XIRP2: variants seen among roughly 807,000 people sequenced by gnomAD.
XIRP2 encodes the protein xin actin-binding repeat-containing protein 2.
XIRP2 carries 236 observed loss-of-function variants against 277.0 expected under a neutral mutation model. The ratio of observed to expected loss-of-function variants is 0.85; its 90% CI spans 0.77 to 0.95. The LOEUF is 0.95. XIRP2 is among the 40% of genes least tolerant of loss of function. The pLI is 0.00. For synonymous variants in XIRP2, 1,490 were observed against 1,416.5 expected, an observed-to-expected ratio of 1.05 and a Z score of -1.17; for missense variants, 4,640 against 4,157.5, an observed-to-expected ratio of 1.12 and a Z score of -3.19.
chr2:167,231,372 C>T (rs987429542), intron 5 of XIRP2, among the ~76,000 whole-genome samples: 3 of 152,066 alleles, frequency 2.0e-5, no homozygotes, highest in African/African-American at 7.2e-5. Context: ...CTTGTAACGT[C>T]TCATGGAACA....
intron 2 of XIRP2, among the ~76,000 whole-genome samples, chr2:166,950,795 C>G (rs1401125474): frequency 5.3e-5 from 8 of 151,916 alleles, no homozygotes; most frequent in Admixed American, 4.6e-4. Flanking sequence ...GAAGCCAGTC[C>G]AATCATTTTC....
intron 2 of XIRP2, among the ~76,000 whole-genome samples, chr2:166,970,972 G>T (rs1435589317): frequency 6.6e-6 from 1 of 151,798 alleles, no homozygotes; most frequent in Non-Finnish European, 1.5e-5. Context: ...TTGATTTTTA[G>T]AAGGAAGATC....
chr2:167,254,333 T>A (rs1356566227), intron 10 of XIRP2, among the ~76,000 whole-genome samples, 168 bp downstream of exon 10: 1 of 151,954 alleles, frequency 6.6e-6, no homozygotes, highest in African/African-American at 2.4e-5. Context: ...TGCGACCTTT[T>A]TCCTTTAGGA....
intron 5 of XIRP2, among the ~76,000 whole-genome samples, chr2:167,233,624 G>A (rs765096237): frequency 5.3e-5 from 8 of 151,746 alleles, no homozygotes; most frequent in Non-Finnish European, 1.0e-4. Flanking sequence ...TAATCAAGAG[G>A]TAGAGTTCTG....
rs369831621 is a variant in XIRP2, at chr2:167,248,833, G to C, written c.7441G>C (p.Val2481Leu). The C allele has an allele frequency of 7.4e-6, 12 of 1,613,028 alleles. No individual in the cohort carries two copies. Among genetic ancestry groups the C allele is most frequent in the Non-Finnish European group, 8.5e-6 (10 of 1,179,302 alleles). The change falls in exon 9 of 11, where the codon GTT becomes CTT. Residue 2481 changes from valine (V) to leucine (L), a missense_variant. Transcript: ENST00000409195. ...TGAACACACGGAGACAAAGCAGAACGTTATTAGTAAGAGTCTTGATGAAAG... is the reference window on the plus strand; with the variant it reads ...TGAACACACGGAGACAAAGCAGAACCTTATTAGTAAGAGTCTTGATGAAAG... Reference protein sequence around the residue: ...SSEHTETKQNVISKSLDERKQ... With the variant: ...SSEHTETKQNLISKSLDERKQ...
chr2:167,015,841 T>A (rs933906363), intron 2 of XIRP2, among the ~76,000 whole-genome samples: 3 of 151,686 alleles, frequency 2.0e-5, no homozygotes, highest in Non-Finnish European at 2.9e-5. Flanking sequence ...TCTCTGTATG[T>A]CCTCCCTAGG....
intron 2 of XIRP2, chr2:167,124,052 T>C (rs747588980): frequency 1.3e-5 from 2 of 152,148 alleles, no homozygotes; most frequent in Non-Finnish European, 2.9e-5. Flanking sequence ...AAATCATAAA[T>C]AATTTGATGC....
At chr2:167,116,095 G>C (rs951885979) in intron 2 of XIRP2, among the ~76,000 whole-genome samples, 1 of 152,144 alleles carries the variant, frequency 6.6e-6, no homozygotes, top group African/African-American at 2.4e-5. Flanking sequence ...CACTTGAAAA[G>C]AATGTTTATT....
At chr2:167,075,528 A>T (rs1482201405) in intron 2 of XIRP2, among the ~76,000 whole-genome samples, 1 of 152,182 alleles carries the variant, frequency 6.6e-6, no homozygotes, top group African/African-American at 2.4e-5. Context: ...TAGATTGCTA[A>T]AGGTTTTGCG....
chr2:167,028,084 T>C (rs1688224815), intron 2 of XIRP2, among the ~76,000 whole-genome samples: 1 of 152,076 alleles, frequency 6.6e-6, no homozygotes, highest in Non-Finnish European at 1.5e-5. Context: ...ATATTTAACA[T>C]TATGATCAAA....
intron 2 of XIRP2, among the ~76,000 whole-genome samples, chr2:166,947,438 A>G (rs1685906799): frequency 6.6e-6 from 1 of 152,192 alleles, no homozygotes. Context: ...TGGCAGTTCT[A>G]CTTCCTTGGT....
Position 167,259,268 on chromosome 2 carries a change from G to C in XIRP2, c.*1451G>C. The C allele has an allele frequency of 2.5e-6, 4 of 1,613,404 alleles. No individual in the cohort carries two copies. The highest frequency in any genetic ancestry group is 3.4e-6 in the Non-Finnish European group (4 of 1,179,620). ...TGATGCTCTGAGCCATGAATGTACA[G>C]CTAAGCCTTTGTTTCCCAGAGTGGA... On this transcript the variant is annotated 3_prime_UTR_variant, in exon 11 of 11. Coordinates refer to ENST00000409195, the MANE Select transcript of XIRP2 (RefSeq NM_152381.6).
At chr2:167,098,003 C>T (rs1021569467) in intron 2 of XIRP2, among the ~76,000 whole-genome samples, 2 of 152,076 alleles carry the variant, frequency 1.3e-5, no homozygotes, top group Admixed American at 6.6e-5. Flanking sequence ...TTTCAACCTT[C>T]GTGAATCTGA....
chr2:167,172,181 C>T (rs1338786915), intron 3 of XIRP2, among the ~76,000 whole-genome samples: 2 of 152,088 alleles, frequency 1.3e-5, no homozygotes, highest in Non-Finnish European at 1.5e-5. Context: ...TCGGCAGGTT[C>T]CGTGATGCTC....
At chr2:166,915,432 T>A (rs1684843246) in intron 2 of XIRP2, among the ~76,000 whole-genome samples, 1 of 152,020 alleles carries the variant, frequency 6.6e-6, no homozygotes, top group African/African-American at 2.4e-5. Context: ...GAAGAATGTA[T>A]ACAGTTTTTA....
chr2:167,140,005 CT>C (rs767197682), intron 3 of XIRP2, among the ~76,000 whole-genome samples: 5 of 150,660 alleles, frequency 3.3e-5, no homozygotes, highest in Non-Finnish European at 7.4e-5. Context: ...GATCCTCTAT[CT>C]GCCAATTTAC....
intron 2 of XIRP2, among the ~76,000 whole-genome samples, chr2:166,940,401 T>C (rs961950550): frequency 2.0e-4 from 30 of 152,226 alleles, no homozygotes; most frequent in African/African-American, 7.0e-4. Context: ...ACTTCCTCCT[T>C]TAGCTTGGAG....
intron 2 of XIRP2, among the ~76,000 whole-genome samples, chr2:166,975,994 A>T (rs944611992): frequency 2.0e-5 from 3 of 148,376 alleles, no homozygotes; most frequent in African/African-American, 7.5e-5. Flanking sequence ...ATATCCATGC[A>T]TTTTAGTGTA....
intron 2 of XIRP2, among the ~76,000 whole-genome samples, chr2:167,012,674 A>G (rs1038048972): frequency 6.6e-6 from 1 of 151,554 alleles, no homozygotes; most frequent in Non-Finnish European, 1.5e-5. Context: ...CCTGGTCAGC[A>G]TCAATGGTTA....
Sources: allele counts gnomAD v4.1 joint callset (sites outside exome capture counted in the v4.1 genomes callset), GRCh38; gene constraint gnomAD v4.1.1; transcripts MANE v1.5; gene names NCBI Gene and HGNC (gene_info 2026-07-23, HGNC 2026-07-21).